CDC42BPB: variants seen among roughly 807,000 people sequenced by gnomAD.
The protein encoded by CDC42BPB is serine/threonine-protein kinase MRCK beta.
A neutral mutation model predicts 214.9 loss-of-function variants in CDC42BPB; 37 were observed. The observed-to-expected ratio is 0.17, with a 90% confidence interval of 0.13 to 0.23. CDC42BPB has a LOEUF of 0.23. CDC42BPB is among the 10% of genes least tolerant of loss of function. CDC42BPB has a pLI of 1.00. For synonymous variants in CDC42BPB, 931 were observed against 884.0 expected, an observed-to-expected ratio of 1.05 and a Z score of -0.94; for missense variants, 1,694 against 2,227.0, an observed-to-expected ratio of 0.76 and a Z score of 4.82.
chr14:102,959,759 A>G (rs1455449697), intron 20 of CDC42BPB, 49 bp from the exon 21 acceptor site: 8 of 1,554,344 alleles, frequency 5.1e-6, no homozygotes, highest in African/African-American at 1.4e-5. Context: ...TAAAGTCTAC[A>G]TATTATTTTC....
chr14:102,938,457 C>A (rs755002337), intron 34 of CDC42BPB, 46 bp from the exon 35 acceptor site: 5 of 1,506,246 alleles, frequency 3.3e-6, no homozygotes. Context: ...TGACACCCGG[C>A]AGGGCCGGCT....
intron 1 of CDC42BPB, chr14:103,041,445 G>T: frequency 2.2e-6 from 2 of 909,998 alleles, no homozygotes; most frequent in Non-Finnish European, 1.7e-6. Context: ...TTGTTTTCCT[G>T]CACAGAAGGG....
chr14:102,954,525 C>A, intron 22 of CDC42BPB, 77 bp downstream of exon 22: 4 of 1,441,230 alleles, frequency 2.8e-6, no homozygotes, highest in Non-Finnish European at 3.8e-6. Flanking sequence ...ATGCAGGGGC[C>A]AGGTGAGCAG....
intron 1 of CDC42BPB, among the ~76,000 whole-genome samples, chr14:103,016,104 G>C (rs2403109): frequency 6.6e-6 from 1 of 152,014 alleles, no homozygotes; most frequent in African/African-American, 2.4e-5. Context: ...GCTGCTGGCC[G>C]GCACTGGGTC....
chr14:102,999,532 T>TAC, intron 5 of CDC42BPB, 33 bp downstream of exon 5: 1 of 1,607,966 alleles, frequency 6.2e-7, no homozygotes. Context: ...CAATTAAACG[T>TAC]GGTTTCCATA....
intron 1 of CDC42BPB, among the ~76,000 whole-genome samples, chr14:103,012,977 A>G (rs535759026): frequency 6.6e-6 from 1 of 152,364 alleles, no homozygotes; most frequent in Non-Finnish European, 1.5e-5. Context: ...TGCTGTTGTC[A>G]TGTTCGCACA....
rs527397527 is a variant in CDC42BPB, at chr14:103,018,716, T to A, written c.176-6528A>T. ...CCTGGGGCAACGGAATCCAATTACA[T>A]CACGTAGTTAGTGCTACAGTCTGAA... On this transcript the variant is annotated intron_variant, in intron 1 of 36. Transcript: ENST00000361246. Among the ~76,000 whole-genome samples, 16 of 152,272 alleles carry A rather than the reference T, an allele frequency of 1.1e-4. No individual in the cohort carries two copies. In the South Asian group the frequency reaches 3.1e-3, roughly 30 times the overall value.
Position 102,945,730 on chromosome 14 carries a change from G to A in CDC42BPB, c.3749-6C>T, listed in dbSNP as rs772526258. On this transcript the variant is annotated splice_polypyrimidine_tract_variant and splice_region_variant and intron_variant, in intron 28 of 36. Coordinates refer to ENST00000361246, the MANE Select transcript of CDC42BPB (RefSeq NM_006035.4). ...GACTGCAATCCTGTCTGCATCTGTG[G>A]AGGGGTAAGTAACATACACAAAGTC... The A allele has an allele frequency of 2.2e-5, 35 of 1,612,504 alleles. No homozygotes were observed. The highest frequency in any genetic ancestry group is 8.8e-5 in the South Asian group (8 of 91,072).
At chr14:102,979,877 A>G (rs1476472236) in intron 8 of CDC42BPB, among the ~76,000 whole-genome samples, 1 of 152,164 alleles carries the variant, frequency 6.6e-6, no homozygotes, top group Non-Finnish European at 1.5e-5. Flanking sequence ...GGAACACCAA[A>G]CAAGTCCCAC....
At chr14:102,985,897 G>A (rs1236587919) in intron 6 of CDC42BPB, among the ~76,000 whole-genome samples, 1 of 152,258 alleles carries the variant, frequency 6.6e-6, no homozygotes, top group Non-Finnish European at 1.5e-5. Flanking sequence ...ACGCTGGTCT[G>A]ACTGCGGGGT....
intron 1 of CDC42BPB, among the ~76,000 whole-genome samples, chr14:103,016,538 G>GAGGGAACCAGGTGAGGGT (rs1886475455): frequency 1.3e-5 from 2 of 149,872 alleles, no homozygotes; most frequent in African/African-American, 5.0e-5. Context: ...CAGGTGAGGG[G>GAGGGAACCAGGTGAGGGT]AGGGAACCAG....
chr14:102,976,840 G>A (rs1210030388), intron 9 of CDC42BPB, among the ~76,000 whole-genome samples: 1 of 152,170 alleles, frequency 6.6e-6, no homozygotes, highest in Non-Finnish European at 1.5e-5. Flanking sequence ...TACAGCCATG[G>A]GCTTGGGACC....
intron 1 of CDC42BPB, among the ~76,000 whole-genome samples, chr14:103,030,472 G>C (rs117132163): frequency 6.6e-6 from 1 of 152,208 alleles, no homozygotes; most frequent in Non-Finnish European, 1.5e-5. Flanking sequence ...AAGGTGTGTG[G>C]ATCACCCGAG....
intron 1 of CDC42BPB, among the ~76,000 whole-genome samples, chr14:103,038,230 G>A (rs551495709): frequency 6.6e-6 from 1 of 150,744 alleles, no homozygotes; most frequent in East Asian, 2.0e-4. Context: ...AGCTACTCGG[G>A]AGGCTGAGGC....
Position 102,940,268 on chromosome 14 carries a change from C to T in CDC42BPB, c.4465G>A (p.Val1489Met). ...GTCTGCACCCACTCCATGGTGCGCACATCAAAGACGTCCACGCCATACTCG... is the reference window on the plus strand; with the variant it reads ...GTCTGCACCCACTCCATGGTGCGCATATCAAAGACGTCCACGCCATACTCG... ...YSEYGVDVFD[V>M]RTMEWVQTIG... The change falls in exon 31 of 37, where the codon GTG becomes ATG. Residue 1489 changes from valine to methionine, a missense_variant. This residue lies in a region of CDC42BPB where 567 missense variants were observed against 790.3 expected (regional missense o/e 0.72). Transcript: ENST00000361246. 1.3e-6 allele frequency: 2 copies of T among 1,596,590 alleles called. No homozygotes were observed. Among genetic ancestry groups the T allele is most frequent in the Non-Finnish European group, 1.7e-6 (2 of 1,171,550 alleles).
chr14:102,934,087 G>C (rs1182503991), intron 36 of CDC42BPB: 1 of 1,208,674 alleles, frequency 8.3e-7, no homozygotes, highest in Admixed American at 4.4e-5. Flanking sequence ...ACAAAAGACA[G>C]CAACTCTGTA....
intron 18 of CDC42BPB, 120 bp from the exon 19 acceptor site, chr14:102,964,770 C>T (rs2139444889): frequency 2.2e-6 from 3 of 1,348,906 alleles, no homozygotes. Flanking sequence ...TAGATATTAA[C>T]TCTAAATTAT....
In CDC42BPB at chr14:102,939,917, T is replaced by C. The variant is rs766329158; in HGVS notation, c.4622A>G (p.Asp1541Gly). The change falls in exon 33 of 37, where the codon GAC becomes GGC. Residue 1541 changes from aspartate (D) to glycine (G), a missense_variant. Coordinates refer to ENST00000361246, the MANE Select transcript of CDC42BPB (RefSeq NM_006035.4). ...GAVLNVPDTSDNSKKQMLRTR... is the reference protein window; with the variant it reads ...GAVLNVPDTSGNSKKQMLRTR... ...GCGCAGCATCTGCTTCTTGCTGTTG[T>C]CGGAGGTGTCCGGCACGTTGAGAAC... is the stretch of plus-strand genomic sequence containing the variant. 2 of 1,614,000 alleles carry C rather than the reference T, an allele frequency of 1.2e-6. No individual in the cohort carries two copies. Among genetic ancestry groups the C allele is most frequent in the Non-Finnish European group, 1.7e-6 (2 of 1,180,040 alleles).
chr14:103,036,444 C>T (rs909854456), intron 1 of CDC42BPB, among the ~76,000 whole-genome samples: 2 of 152,000 alleles, frequency 1.3e-5, no homozygotes, highest in South Asian at 2.1e-4. Context: ...CGTGAGCCAC[C>T]GCGCCCAGCC....
Sources: gnomAD v4.1 joint callset for allele counts (sites outside exome capture counted in the v4.1 genomes callset) on GRCh38, gnomAD v4.1.1 for gene constraint, gnomAD v4.1.1 regional missense constraint, MANE v1.5 for transcripts, NCBI Gene and HGNC (gene_info 2026-07-23, HGNC 2026-07-21) for gene names.